Variants in PKIA observed in about 807,000 individuals in gnomAD.
The protein encoded by PKIA is PKI-alpha.
A neutral mutation model predicts 7.6 loss-of-function variants in PKIA; 4 were observed. That is an observed-to-expected ratio of 0.52 (90% CI 0.26 to 1.20). PKIA has a LOEUF of 1.20. PKIA is among the 50% of genes most tolerant of loss of function. PKIA has a pLI of 0.13. For synonymous variants in PKIA, 21 were observed against 30.7 expected (o/e 0.68, Z 1.04); for missense variants, 73 against 86.2 (o/e 0.85, Z 0.61).
intron 1 of PKIA, among the ~76,000 whole-genome samples, chr8:78,551,666 T>A (rs1806986324): frequency 6.6e-6 from 1 of 152,032 alleles, no homozygotes; most frequent in Non-Finnish European, 1.5e-5. Context: ...AAATGGCTAA[T>A]GTTTTGGGGT....
At chr8:78,523,155 G>A (rs576145988) in intron 1 of PKIA, among the ~76,000 whole-genome samples, 11 of 151,998 alleles carry the variant, frequency 7.2e-5, no homozygotes, top group African/African-American at 2.6e-4. Flanking sequence ...TATAATATAT[G>A]TTTGAGTATC....
In PKIA at chr8:78,552,303, T is replaced by C. The variant is rs146965344; in HGVS notation, c.-156-20508T>C. Among the ~76,000 whole-genome samples the C allele has an allele frequency of 5.5e-3, 832 of 150,770 alleles. 6 individuals carry two copies. Among genetic ancestry groups the C allele is most frequent in the African/African-American group, 0.019 (783 of 41,022 alleles). ...ACAATTCTTTGAAATCCTTGACTTG[T>C]CATTTGACCGATTTTACCATTTTCT... On this transcript the variant is annotated intron_variant, in intron 1 of 3. Coordinates refer to ENST00000396418, the MANE Select transcript of PKIA (RefSeq NM_006823.4).
intron 1 of PKIA, among the ~76,000 whole-genome samples, chr8:78,551,379 A>G (rs540016239): frequency 6.6e-6 from 1 of 152,168 alleles, no homozygotes; most frequent in East Asian, 1.9e-4. Flanking sequence ...CTTCGTCTGG[A>G]AGAAAAGTAT....
At chr8:78,568,232 T>C (rs1172622182) in intron 1 of PKIA, among the ~76,000 whole-genome samples, 1 of 152,192 alleles carries the variant, frequency 6.6e-6, no homozygotes, top group Non-Finnish European at 1.5e-5. Flanking sequence ...TATTAATGTC[T>C]CCAACCCTAA....
intron 3 of PKIA, among the ~76,000 whole-genome samples, chr8:78,601,431 A>C (rs529718380): frequency 6.6e-6 from 1 of 152,186 alleles, no homozygotes; most frequent in South Asian, 2.1e-4. Context: ...ACTATACCTA[A>C]GTGACATGAC....
intron 2 of PKIA, among the ~76,000 whole-genome samples, chr8:78,586,852 A>G (rs570794878): frequency 5.9e-5 from 9 of 152,188 alleles, no homozygotes; most frequent in African/African-American, 2.2e-4. Context: ...AACCTTTACT[A>G]TTTCATCTTT....
chr8:78,597,993 T>C (rs1808264102), intron 2 of PKIA, among the ~76,000 whole-genome samples: 2 of 151,434 alleles, frequency 1.3e-5, no homozygotes, highest in South Asian at 4.1e-4. Flanking sequence ...GTATAAGTGG[T>C]AGCTAAAAAC....
intron 1 of PKIA, among the ~76,000 whole-genome samples, chr8:78,533,249 G>A (rs1806438031): frequency 6.6e-6 from 1 of 152,046 alleles, no homozygotes; most frequent in South Asian, 2.1e-4. Flanking sequence ...TCTGAACTCA[G>A]GATTACCAGA....
chr8:78,552,852 A>G (rs1807019476), intron 1 of PKIA, among the ~76,000 whole-genome samples: 1 of 151,976 alleles, frequency 6.6e-6, no homozygotes, highest in African/African-American at 2.4e-5. Context: ...AGTTAGCTCA[A>G]CAATGCATAA....
chr8:78,522,440 T>TATAA (rs1809434233), intron 1 of PKIA, among the ~76,000 whole-genome samples: 1 of 151,948 alleles, frequency 6.6e-6, no homozygotes, highest in East Asian at 1.9e-4. Context: ...CTCTAGATAC[T>TATAA]GTAGTTTATA....
At chr8:78,549,263 T>A (rs1036644756) in intron 1 of PKIA, among the ~76,000 whole-genome samples, 2 of 151,990 alleles carry the variant, frequency 1.3e-5, no homozygotes, top group Non-Finnish European at 2.9e-5. Context: ...CTATGTGTTG[T>A]ATGACATGAT....
intron 2 of PKIA, among the ~76,000 whole-genome samples, chr8:78,597,461 C>T (rs940374344): frequency 1.2e-4 from 18 of 152,090 alleles, no homozygotes; most frequent in African/African-American, 3.9e-4. Flanking sequence ...TTTAGAATTG[C>T]TGGTGCATGG....
At chr8:78,531,564 T>C (rs1806386161) in intron 1 of PKIA, among the ~76,000 whole-genome samples, 1 of 152,118 alleles carries the variant, frequency 6.6e-6, no homozygotes, top group African/African-American at 2.4e-5. Context: ...CCCTAAAAGG[T>C]AGGCATTATT....
At chr8:78,529,951 A>G (rs887743824) in intron 1 of PKIA, among the ~76,000 whole-genome samples, 1 of 152,056 alleles carries the variant, frequency 6.6e-6, no homozygotes, top group African/African-American at 2.4e-5. Context: ...AAAGAAATTC[A>G]TGTTTGGATG....
chr8:78,521,444 T>C (rs1809414864), intron 1 of PKIA, among the ~76,000 whole-genome samples: 1 of 151,910 alleles, frequency 6.6e-6, no homozygotes, highest in Non-Finnish European at 1.5e-5. Flanking sequence ...GGACTGGTAC[T>C]AGCAAGCACG....
intron 1 of PKIA, among the ~76,000 whole-genome samples, chr8:78,520,347 A>T (rs1809393245): frequency 6.6e-6 from 1 of 152,212 alleles, no homozygotes; most frequent in South Asian, 2.1e-4. Context: ...AAGCATGGTG[A>T]GCATAGCAAA....
intron 2 of PKIA, among the ~76,000 whole-genome samples, chr8:78,589,389 T>C (rs1438941683): frequency 2.6e-5 from 4 of 152,238 alleles, no homozygotes; most frequent in Admixed American, 1.3e-4. Context: ...ATTATAAAAG[T>C]ATTTTCTAAA....
intron 1 of PKIA, chr8:78,535,705 T>A (rs753019140): frequency 1.3e-5 from 2 of 152,036 alleles, no homozygotes; most frequent in Non-Finnish European, 2.9e-5. Flanking sequence ...TCTGCATCCA[T>A]GGATTCAACC....
At position 78,588,270 on chromosome 8, in the gene PKIA, C is replaced by T. The variant is rs187893361; in HGVS notation, c.-27-10088C>T. Among the ~76,000 whole-genome samples the T allele has an allele frequency of 5.6e-3, 850 of 152,070 alleles. 6 individuals are homozygous for T. The highest frequency in any genetic ancestry group is 0.019 in the African/African-American group (797 of 41,482). On this transcript the variant is annotated intron_variant, in intron 2 of 3. Coordinates refer to ENST00000396418, the MANE Select transcript of PKIA (RefSeq NM_006823.4). ...CTGAGGCGGGTGGATCACCTGAGGT[C>T]GGGAGTTTGAGGCCAGCCTGACCAA... is the stretch of plus-strand genomic sequence containing the variant.
Sources: allele counts gnomAD v4.1 joint callset (sites outside exome capture counted in the v4.1 genomes callset), GRCh38; gene constraint gnomAD v4.1.1; transcripts MANE v1.5; gene names NCBI Gene and HGNC (gene_info 2026-07-23, HGNC 2026-07-21).